REV3L: variants seen among roughly 807,000 people sequenced by gnomAD.
REV3L encodes the protein DNA polymerase zeta catalytic subunit.
A neutral mutation model predicts 299.4 loss-of-function variants in REV3L; 69 were observed. That is an observed-to-expected ratio of 0.23 (90% CI 0.19 to 0.28). The LOEUF is 0.28. Among genes scored for constraint, REV3L ranks in the 10% least tolerant of loss-of-function variants. The probability of loss-of-function intolerance (pLI) is 1.00; values close to 1 mark genes in which losing one functional copy is unlikely to be tolerated. For missense variants in REV3L, 3,128 were observed against 3,693.8 expected, an observed-to-expected ratio of 0.85 and a Z score of 3.97; for synonymous variants, 1,238 against 1,271.4, an observed-to-expected ratio of 0.97 and a Z score of 0.56.
At chr6:111,371,090 C>T (rs1379218709) in intron 13 of REV3L, among the ~76,000 whole-genome samples, 1 of 151,974 alleles carries the variant, frequency 6.6e-6, no homozygotes, top group Admixed American at 6.6e-5. Context: ...CAGGGCCTGC[C>T]TTAGCAGTTC....
Position 111,474,988 on chromosome 6 carries a change from T to TATACACACACAC in REV3L, c.139+7761_139+7762insGTGTGTGTGTAT, listed in dbSNP as rs151075609. Among the ~76,000 whole-genome samples the TATACACACACAC allele has an allele frequency of 1.5e-3, 225 of 145,942 alleles. 1 individual carries two copies. The highest frequency in any genetic ancestry group is 6.0e-3 in the East Asian group (30 of 4,994). ...ATTACATTCTATAGCTGCCTATATA[T>TATACACACACAC]ACACACACACACACACACACACACA... On this transcript the variant is annotated intron_variant, in intron 1 of 31. Coordinates refer to ENST00000368802, the MANE Select transcript of REV3L (RefSeq NM_001372078.1).
intron 1 of REV3L, among the ~76,000 whole-genome samples, chr6:111,453,855 G>T (rs1457219050): frequency 6.6e-6 from 1 of 152,006 alleles, no homozygotes; most frequent in Non-Finnish European, 1.5e-5. Context: ...GCGTGGTGGC[G>T]CATGCCTGTG....
intron 1 of REV3L, among the ~76,000 whole-genome samples, chr6:111,417,166 C>G (rs1260197168): frequency 2.6e-5 from 4 of 152,134 alleles, no homozygotes; most frequent in African/African-American, 9.7e-5. Context: ...ATATATCAGT[C>G]AAGGTGCAGA....
At chr6:111,428,904 T>C (rs1382106617) in intron 1 of REV3L, among the ~76,000 whole-genome samples, 1 of 152,080 alleles carries the variant, frequency 6.6e-6, no homozygotes, top group Non-Finnish European at 1.5e-5. Context: ...CAACACCAAA[T>C]AGATTTGATG....
chr6:111,483,607 C>T (rs1250448794), upstream of REV3L: 1 of 448,526 alleles, frequency 2.2e-6, no homozygotes, highest in Non-Finnish European at 4.4e-6. Flanking sequence ...GCCTCGCCGA[C>T]CGCCATTTCA....
Position 111,367,704 on chromosome 6 carries a change from A to G in REV3L, c.6084T>C (p.Thr2028=). The change falls in exon 14 of 32, where the codon ACT becomes ACC. Residue 2028 remains threonine (T), a synonymous_variant. Transcript: ENST00000368802. ...RSKKLPKTKP[T]GVVKSAENFS... is the part of the protein sequence containing the mutation. The stretch of plus-strand genomic sequence containing the variant: ...AGTTCTCAGCAGATTTTACAACTCC[A>G]GTTGGCTTGGTTTTAGGCAGTTTCT... The G allele has an allele frequency of 5.6e-6, 9 of 1,614,226 alleles. No homozygotes were observed. Among genetic ancestry groups the G allele is most frequent in the African/African-American group, 1.3e-5 (1 of 75,072 alleles).
At chr6:111,439,093 T>C (rs993526876) in intron 1 of REV3L, among the ~76,000 whole-genome samples, 28 of 152,238 alleles carry the variant, frequency 1.8e-4, no homozygotes, top group Admixed American at 1.8e-3. Flanking sequence ...TGCTGTTTGA[T>C]TGTAATACAT....
intron 1 of REV3L, among the ~76,000 whole-genome samples, chr6:111,469,171 AAAAACAAAAC>A (rs1392325175): frequency 2.0e-5 from 3 of 152,258 alleles, no homozygotes; most frequent in East Asian, 3.9e-4. Context: ...AACAACAACA[AAAAACAAAAC>A]AAAACAAAAC....
In REV3L at chr6:111,376,502, G is replaced by T; in HGVS notation, c.1853C>A (p.Thr618Lys). 6.2e-7 allele frequency: 1 copy of T among 1,613,042 alleles called. No homozygotes were observed. Among genetic ancestry groups the T allele is most frequent in the Non-Finnish European group, 8.5e-7 (1 of 1,179,736 alleles). ...KGLDNSVTSF[T>K]NESTYSMKYP... ...TTTCATAGAATAAGTGCTTTCGTTT[G>T]TAAAAGAAGTGACTGAGTTATCTAG... is the stretch of plus-strand genomic sequence containing the variant. The change falls in exon 13 of 32, where the codon ACA becomes AAA. Residue 618 changes from threonine (T) to lysine (K), a missense_variant. Transcript: ENST00000368802.
Position 111,316,830 on chromosome 6 carries a change from T to C in REV3L, c.8352-1449A>G, listed in dbSNP as rs547351632. ...CACTTTGTGTATATCTGTAAATCTT[T>C]TCATATGCTATAATGGATCATGTTA... On this transcript the variant is annotated intron_variant, in intron 26 of 31. Transcript: ENST00000368802. 4.6e-5 allele frequency among the ~76,000 whole-genome samples: 7 copies of C among 152,326 alleles called. No homozygotes were observed. The South Asian group carries it at 1.4e-3, about 32-fold the overall frequency.
chr6:111,430,129 A>G, intron 1 of REV3L: 4 of 787,506 alleles, frequency 5.1e-6, no homozygotes, highest in Non-Finnish European at 9.3e-6. Flanking sequence ...AATGAGGCAG[A>G]AAAAGACCTC....
At chr6:111,347,835 C>T (rs375339620) in intron 20 of REV3L, among the ~76,000 whole-genome samples, 1 of 152,130 alleles carries the variant, frequency 6.6e-6, no homozygotes, top group South Asian at 2.1e-4. Context: ...AAGGTCTTCC[C>T]GCCTGAGCCT....
chr6:111,331,538 C>A (rs1775376736), intron 24 of REV3L, 138 bp downstream of exon 24: 7 of 523,032 alleles, frequency 1.3e-5, no homozygotes, highest in Non-Finnish European at 2.3e-5. Flanking sequence ...ATTCTCATAT[C>A]TTTGACTTTT....
chr6:111,322,944 T>G (rs555210211), intron 25 of REV3L, among the ~76,000 whole-genome samples: 1 of 152,226 alleles, frequency 6.6e-6, no homozygotes, highest in East Asian at 1.9e-4. Context: ...TGTTACAAGG[T>G]ACTCAGCTAC....
intron 24 of REV3L, chr6:111,331,140 A>C: frequency 2.2e-6 from 1 of 462,982 alleles, no homozygotes; most frequent in Non-Finnish European, 2.8e-6. Context: ...ATTTGTCTTT[A>C]ATTTGTAAAG....
chr6:111,324,368 C>T (rs372902794), intron 25 of REV3L, among the ~76,000 whole-genome samples: 19 of 152,290 alleles, frequency 1.2e-4, no homozygotes, highest in Admixed American at 3.3e-4. Context: ...AGAATGTAAA[C>T]TGTAACTTAA....
In REV3L at chr6:111,373,866, A is replaced by G; in HGVS notation, c.4489T>C (p.Ser1497Pro). ...KPERVKPRSL[S>P]EAISQTKALS... ...GCTTTGGTTTGTGAAATTGCTTCTG[A>G]TAACGACCTCGGTTTTACTCTTTCA... Residue 1497 changes from serine (S) to proline (P), a missense_variant, in exon 13 of 32, where the codon TCA becomes CCA. Coordinates refer to ENST00000368802, the MANE Select transcript of REV3L (RefSeq NM_001372078.1). 12 of 1,614,068 alleles carry G rather than the reference A, an allele frequency of 7.4e-6. No individual in the cohort carries two copies. The highest frequency in any genetic ancestry group is 9.3e-6 in the Non-Finnish European group (11 of 1,179,970).
At chr6:111,349,041 T>C (rs2114933125) in intron 20 of REV3L, 177 bp downstream of exon 20, 1 of 447,384 alleles carries the variant, frequency 2.2e-6, no homozygotes. Flanking sequence ...AACATTAAAG[T>C]CTATTACCTC....
chr6:111,475,164 A>G (rs1792782752), intron 1 of REV3L, among the ~76,000 whole-genome samples: 1 of 152,120 alleles, frequency 6.6e-6, no homozygotes, highest in African/African-American at 2.4e-5. Flanking sequence ...TATCTTTGAC[A>G]TAGCACCACA....
Sources: gnomAD v4.1 joint callset for allele counts (sites outside exome capture counted in the v4.1 genomes callset) on GRCh38, gnomAD v4.1.1 for gene constraint, MANE v1.5 for transcripts, NCBI Gene and HGNC (gene_info 2026-07-23, HGNC 2026-07-21) for gene names.